Variants in PGAP1 observed in about 807,000 individuals in gnomAD.
The protein encoded by PGAP1 is GPI inositol-deacylase.
A neutral mutation model predicts 127.0 loss-of-function variants in PGAP1; 76 were observed. That is an observed-to-expected ratio of 0.60 (90% CI 0.50 to 0.72). PGAP1 has a LOEUF of 0.72. PGAP1 is among the 30% of genes least tolerant of loss of function. The pLI is 0.00. For missense variants in PGAP1, 982 were observed against 1,071.3 expected, an observed-to-expected ratio of 0.92 and a Z score of 1.16; for synonymous variants, 362 against 366.5, an observed-to-expected ratio of 0.99 and a Z score of 0.14.
intron 9 of PGAP1, among the ~76,000 whole-genome samples, chr2:196,891,562 C>T (rs1233604465): frequency 1.3e-5 from 2 of 151,980 alleles, no homozygotes; most frequent in Non-Finnish European, 2.9e-5. Context: ...CTAATGGTCA[C>T]TAATAAGAGG....
chr2:196,893,858 G>T (rs565124121), intron 7 of PGAP1, among the ~76,000 whole-genome samples: 1 of 152,204 alleles, frequency 6.6e-6, no homozygotes, highest in South Asian at 2.1e-4. Flanking sequence ...AGTGTACTGG[G>T]TATAAAATCC....
In PGAP1 at chr2:196,838,171, T is replaced by C. The variant is rs1700288309; in HGVS notation, c.*3063A>G. The C allele has an allele frequency of 6.6e-6, 1 of 152,214 alleles. No homozygotes were observed. Among genetic ancestry groups the C allele is most frequent in the Admixed American group, 6.5e-5 (1 of 15,284 alleles). The allele number at this position is 152,214 out of a possible 1,614,324, so 9.4% of individuals were successfully genotyped here. A position where few individuals can be genotyped will look rare whatever the true frequency, so the allele number is the denominator to read the frequency against. On this transcript the variant is annotated 3_prime_UTR_variant, in exon 27 of 27. Transcript: ENST00000354764. ...GTGTTTTCCTCTGTACAGACTATAT[T>C]TGATCTGGTTATCAACAATAGGGTC...
chr2:196,855,574 T>C (rs1388220235), intron 20 of PGAP1, among the ~76,000 whole-genome samples: 2 of 152,158 alleles, frequency 1.3e-5, no homozygotes, highest in African/African-American at 2.4e-5. Flanking sequence ...AGTGTTTTTA[T>C]GACTTCTATT....
intron 10 of PGAP1, among the ~76,000 whole-genome samples, chr2:196,889,201 T>A (rs1328842850): frequency 6.6e-6 from 1 of 152,276 alleles, no homozygotes; most frequent in East Asian, 1.9e-4. Flanking sequence ...AATTTAGTAT[T>A]AAGTGAGAAA....
Position 196,885,599 on chromosome 2 carries a change from T to C in PGAP1, c.1221-124A>G, listed in dbSNP as rs147579785. The C allele has an allele frequency of 2.8e-4, 191 of 693,412 alleles. No homozygotes were observed. The Middle Eastern group carries it at 3.4e-3, about 13-fold the overall frequency. 43.0% of individuals were successfully genotyped at this position (693,412 alleles called of 1,614,324 possible). ...TAGTAGAGATGTCTATTGAGCCTAA[T>C]CCAATATACTCTGTCCACATATTTC... On this transcript the variant is annotated intron_variant, in intron 11 of 26. Transcript: ENST00000354764.
At chr2:196,885,596 T>C in intron 11 of PGAP1, 121 bp from the exon 12 acceptor site, 2 of 731,320 alleles carry the variant, frequency 2.7e-6, no homozygotes, top group South Asian at 2.3e-5. Flanking sequence ...CTATTGAGCC[T>C]AATCCAATAT....
rs540393371 is a variant in PGAP1 at position 196,851,154 on chromosome 2, G to T, written c.1862-3117C>A. ...ATCAAAATGGAGTCACTGTTTTTTT[G>T]TTTTTTTTAAAAAAAACAAAAAAAT... On this transcript the variant is annotated intron_variant, in intron 20 of 26. Transcript: ENST00000354764. 6.6e-3 allele frequency among the ~76,000 whole-genome samples: 984 copies of T among 148,824 alleles called. 5 individuals are homozygous for T. The highest frequency in any genetic ancestry group is 0.023 in the African/African-American group (920 of 40,086).
chr2:196,885,700 T>C (rs1701878532), intron 11 of PGAP1, 134 bp downstream of exon 11: 2 of 705,800 alleles, frequency 2.8e-6, no homozygotes, highest in South Asian at 8.8e-5. Context: ...TTCCTTTACT[T>C]TTCATTTTAA....
At chr2:196,926,375 C>T in intron 1 of PGAP1, 95 bp downstream of exon 1, 1 of 1,565,898 alleles carries the variant, frequency 6.4e-7, no homozygotes, top group Non-Finnish European at 8.7e-7. Flanking sequence ...GCCCGAGAGG[C>T]GCAGAGAGCC....
chr2:196,848,778 T>G (rs1246305194), intron 20 of PGAP1, among the ~76,000 whole-genome samples: 1 of 152,184 alleles, frequency 6.6e-6, no homozygotes, highest in African/African-American at 2.4e-5. Context: ...TGCATATAAG[T>G]TTTTGTATGA....
intron 1 of PGAP1, among the ~76,000 whole-genome samples, chr2:196,924,262 A>G (rs1703301885): frequency 2.0e-5 from 3 of 152,244 alleles, no homozygotes; most frequent in Admixed American, 2.0e-4. Context: ...AAAGAAAGGC[A>G]TCAAAAGAAA....
At chr2:196,877,141 A>G (rs1300108108) in intron 13 of PGAP1, among the ~76,000 whole-genome samples, 5 of 152,042 alleles carry the variant, frequency 3.3e-5, no homozygotes, top group Non-Finnish European at 7.4e-5. Flanking sequence ...CAAAAACCCT[A>G]CCCAAGAAAG....
intron 20 of PGAP1, among the ~76,000 whole-genome samples, chr2:196,856,171 G>T (rs1245911283): frequency 6.6e-6 from 1 of 151,958 alleles, no homozygotes; most frequent in African/African-American, 2.4e-5. Context: ...ACAACACCAT[G>T]CCTGGCTAAT....
chr2:196,880,439 A>G (rs986255241), intron 12 of PGAP1, among the ~76,000 whole-genome samples: 2 of 152,100 alleles, frequency 1.3e-5, no homozygotes, highest in Non-Finnish European at 2.9e-5. Flanking sequence ...ATTATTATCT[A>G]TAATTATTTC....
In PGAP1 at chr2:196,920,088, T is replaced by A; in HGVS notation, c.210A>T (p.Gly70=). 1 of 1,613,370 alleles carries A rather than the reference T, an allele frequency of 6.2e-7. No homozygotes were observed. Among genetic ancestry groups the A allele is most frequent in the Non-Finnish European group, 8.5e-7 (1 of 1,179,526 alleles). Residue 70 remains glycine, a synonymous_variant, in exon 2 of 27, where the codon GGA becomes GGT. Transcript: ENST00000354764. ...TGTGTTCTTCAGCATAGGATCCCTC[T>A]CCATAAAGATACAACTCATATGCGG... ...RYPAYELYLY[G]EGSYAEEHKI... is the part of the protein sequence containing the mutation.
intron 7 of PGAP1, among the ~76,000 whole-genome samples, chr2:196,894,147 T>C (rs1702191708): frequency 6.6e-6 from 1 of 152,216 alleles, no homozygotes; most frequent in African/African-American, 2.4e-5. Context: ...TATCTTAGAT[T>C]GGGAGACAGT....
chr2:196,872,542 A>T lies in PGAP1; in HGVS notation c.1627T>A (p.Ser543Thr), dbSNP rs138897526. The part of the protein sequence containing the change: ...EDSLTIAQAP[S>T]STEISLKLHI... ...AGTTTCAGAGAAATTTCTGTGGAAG[A>T]TGGAGCCCTGAAGAGATAACTTAAA... The change falls in exon 18 of 27, where the codon TCT becomes ACT. Residue 543 changes from serine (S) to threonine (T), a missense_variant. Physicochemically the swap from Ser to Thr is moderately conservative, Grantham distance 58 (BLOSUM62 1). Transcript: ENST00000354764. The T allele has an allele frequency of 6.2e-7, 1 of 1,606,804 alleles. No homozygotes were observed. Among genetic ancestry groups the T allele is most frequent in the Non-Finnish European group, 8.5e-7 (1 of 1,173,576 alleles).
At chr2:196,858,684 G>A (rs1559337206) in intron 20 of PGAP1, among the ~76,000 whole-genome samples, 1 of 151,694 alleles carries the variant, frequency 6.6e-6, no homozygotes, top group Admixed American at 6.6e-5. Context: ...AAAGATCAGA[G>A]CAGAAATAAA....
chr2:196,862,405 A>G (rs1026267917), intron 20 of PGAP1, among the ~76,000 whole-genome samples: 1 of 151,828 alleles, frequency 6.6e-6, no homozygotes, highest in Non-Finnish European at 1.5e-5. Context: ...GGTGCCCAAA[A>G]CTTCATTAGC....
Sources: gnomAD v4.1 joint callset for allele counts (sites outside exome capture counted in the v4.1 genomes callset) on GRCh38, gnomAD v4.1.1 for gene constraint, MANE v1.5 for transcripts, NCBI Gene and HGNC (gene_info 2026-07-23, HGNC 2026-07-21) for gene names.